Variants in L3MBTL3 observed in about 807,000 individuals in gnomAD.
The protein encoded by L3MBTL3 is lethal(3)malignant brain tumor-like protein 3.
A neutral mutation model predicts 102.3 loss-of-function variants in L3MBTL3; 27 were observed. That is an observed-to-expected ratio of 0.26 (90% CI 0.19 to 0.36). L3MBTL3 has a LOEUF of 0.36. Ranked by LOEUF, L3MBTL3 falls within the 10% of genes least tolerant of loss-of-function variation. The probability of loss-of-function intolerance (pLI) is 1.00; values close to 1 mark genes in which losing one functional copy is unlikely to be tolerated. For missense variants in L3MBTL3, 798 were observed against 955.3 expected, an observed-to-expected ratio of 0.84 and a Z score of 2.17; for synonymous variants, 340 against 320.9, an observed-to-expected ratio of 1.06 and a Z score of -0.64.
At chr6:130,056,716 A>C (rs1359831642) in intron 8 of L3MBTL3, among the ~76,000 whole-genome samples, 1 of 152,070 alleles carries the variant, frequency 6.6e-6, no homozygotes, top group African/African-American at 2.4e-5. Context: ...ATGAACTTCC[A>C]GGCCCCTGGC....
chr6:130,133,924 T>G lies in L3MBTL3; in HGVS notation c.2199+19T>G. 1.3e-6 allele frequency: 2 copies of G among 1,574,370 alleles called. No homozygotes were observed. Among genetic ancestry groups the G allele is most frequent in the Non-Finnish European group, 1.7e-6 (2 of 1,144,334 alleles). ...AGATGAAGTAAGTATTCCACTAAAT[T>G]GCAATATGTTACTTAATGGGATCAA... is the stretch of plus-strand genomic sequence containing the variant. On this transcript the variant is annotated intron_variant, in intron 22 of 22. Transcript: ENST00000361794. The surrounding 1 kb of genome is among the most constrained non-coding windows in gnomAD (Gnocchi z 4.9).
intron 19 of L3MBTL3, among the ~76,000 whole-genome samples, chr6:130,119,518 G>A (rs1785978034): frequency 6.6e-6 from 1 of 152,016 alleles, no homozygotes; most frequent in African/African-American, 2.4e-5. Flanking sequence ...TCTTTCTCCA[G>A]TTATCAGTGA....
At chr6:130,070,896 G>A in intron 12 of L3MBTL3, 80 bp from the exon 13 acceptor site, 5 of 991,900 alleles carry the variant, frequency 5.0e-6, no homozygotes, top group Admixed American at 2.5e-5. Context: ...GGGCCTTTGA[G>A]CAGGAGGTGC....
intron 10 of L3MBTL3, among the ~76,000 whole-genome samples, chr6:130,064,641 C>T (rs923327656): frequency 1.3e-5 from 2 of 152,196 alleles, no homozygotes; most frequent in African/African-American, 2.4e-5. Context: ...GAGAACTGGC[C>T]TAGGATCCAT....
At chr6:130,107,199 G>T (rs749180200) in intron 19 of L3MBTL3, among the ~76,000 whole-genome samples, 1 of 87,420 alleles carries the variant, frequency 1.1e-5, no homozygotes, top group African/African-American at 4.0e-5. Context: ...GTGTTCATAG[G>T]TTGAACTGTA....
intron 18 of L3MBTL3, among the ~76,000 whole-genome samples, chr6:130,098,590 G>A (rs1406626483): frequency 2.0e-5 from 3 of 152,122 alleles, no homozygotes; most frequent in Non-Finnish European, 4.4e-5. Context: ...GGGATTTATT[G>A]ATGACTTCCT....
At chr6:130,113,573 C>T (rs1320510021) in intron 19 of L3MBTL3, among the ~76,000 whole-genome samples, 4 of 152,188 alleles carry the variant, frequency 2.6e-5, no homozygotes, top group African/African-American at 9.7e-5. Flanking sequence ...AAATGCCTGC[C>T]AAATGCTTAG....
At chr6:130,098,168 G>C (rs566583682) in intron 18 of L3MBTL3, among the ~76,000 whole-genome samples, 46 of 152,298 alleles carry the variant, frequency 3.0e-4, no homozygotes, top group African/African-American at 1.1e-3. Context: ...AAAGAGAAAG[G>C]AATGTTTTCA....
At chr6:130,077,067 A>G (rs891648864) in intron 13 of L3MBTL3, among the ~76,000 whole-genome samples, 34 of 152,104 alleles carry the variant, frequency 2.2e-4, no homozygotes, top group African/African-American at 8.0e-4. Context: ...ACAGATAATT[A>G]TAAAAACTAC....
chr6:130,086,058 T>TTTCTTC (rs556837502), intron 15 of L3MBTL3, 82 bp from the exon 16 acceptor site: 20 of 991,992 alleles, frequency 2.0e-5, no homozygotes, highest in Non-Finnish European at 2.9e-5. Flanking sequence ...TGGCCAGCTT[T>TTTCTTC]TTCTTCTTCT....
intron 19 of L3MBTL3, among the ~76,000 whole-genome samples, 193 bp downstream of exon 19, chr6:130,104,768 A>T (rs780688086): frequency 4.6e-5 from 7 of 151,868 alleles, no homozygotes; most frequent in Non-Finnish European, 1.0e-4. Flanking sequence ...TGATAAAAGC[A>T]TGTCCAAATC....
intron 10 of L3MBTL3, among the ~76,000 whole-genome samples, chr6:130,063,921 A>T (rs1292293861): frequency 2.6e-5 from 4 of 152,228 alleles, no homozygotes; most frequent in Non-Finnish European, 5.9e-5. Context: ...GATTGACTTC[A>T]GCTGGGAACA....
rs570952046 is a variant in L3MBTL3, at chr6:130,124,685, CAG to C, written c.1966+3728_1966+3729del. On this transcript the variant is annotated intron_variant, in intron 20 of 22. Coordinates refer to ENST00000361794, the MANE Select transcript of L3MBTL3 (RefSeq NM_032438.4). Reference sequence around the variant, plus strand: ...AAGGAATGATATCAAAAATACTTAACAGGGGCCAGGTGTGGTGGCTCACGCCT... The same window carrying C: ...AAGGAATGATATCAAAAATACTTAACGGGCCAGGTGTGGTGGCTCACGCCT... 8.3e-4 allele frequency among the ~76,000 whole-genome samples: 127 copies of C among 152,270 alleles called. 1 individual carries two copies. Among genetic ancestry groups the C allele is most frequent in the African/African-American group, 2.8e-3 (115 of 41,556 alleles).
chr6:130,075,489 G>T (rs984614622), intron 13 of L3MBTL3, among the ~76,000 whole-genome samples: 1 of 152,186 alleles, frequency 6.6e-6, no homozygotes, highest in Non-Finnish European at 1.5e-5. Flanking sequence ...AACTTTAGTT[G>T]TCTTCTGAAA....
At chr6:130,044,297 T>G (rs764136601) in intron 3 of L3MBTL3, among the ~76,000 whole-genome samples, 2 of 152,214 alleles carry the variant, frequency 1.3e-5, no homozygotes, top group Non-Finnish European at 2.9e-5. Flanking sequence ...AAATTGTATT[T>G]TTTCTGGCTT....
chr6:130,057,666 C>T (rs1269006519), intron 9 of L3MBTL3, among the ~76,000 whole-genome samples, 169 bp downstream of exon 9: 1 of 152,178 alleles, frequency 6.6e-6, no homozygotes, highest in South Asian at 2.1e-4. Flanking sequence ...GTGCGTACCT[C>T]CCATGTGCCA....
intron 10 of L3MBTL3, among the ~76,000 whole-genome samples, chr6:130,061,687 C>A (rs905008778): frequency 2.6e-5 from 4 of 152,086 alleles, no homozygotes. Context: ...AGAGGAGGGT[C>A]AGAGTTTCTT....
intron 1 of L3MBTL3, chr6:130,020,399 A>AGGGCACGGTGGCAC (rs1412201315): frequency 8.8e-5 from 13 of 148,094 alleles, no homozygotes; most frequent in African/African-American, 2.7e-4. Context: ...GGGCGGGGGG[A>AGGGCACGGTGGCAC]GGGCGCAACT....
chr6:130,069,667 C>T (rs933861797), intron 12 of L3MBTL3, among the ~76,000 whole-genome samples: 6 of 152,226 alleles, frequency 3.9e-5, no homozygotes, highest in Non-Finnish European at 8.8e-5. Context: ...TAGCAGCCTG[C>T]TGTCTCTGCT....
Sources: allele counts gnomAD v4.1 joint callset (sites outside exome capture counted in the v4.1 genomes callset), GRCh38; gene constraint gnomAD v4.1.1; non-coding constraint Gnocchi (gnomAD v3.1); transcripts MANE v1.5; gene names NCBI Gene and HGNC (gene_info 2026-07-23, HGNC 2026-07-21).